Variants in RPH3A observed in about 807,000 individuals in gnomAD.
The protein encoded by RPH3A is rabphilin 3A.
RPH3A carries 48 observed loss-of-function variants against 102.2 expected under a neutral mutation model. That is an observed-to-expected ratio of 0.47 (90% CI 0.37 to 0.60). The LOEUF (loss-of-function observed/expected upper bound fraction) is 0.60, where lower values mean the gene tolerates loss of function less well. Ranked by LOEUF, RPH3A falls within the 20% of genes least tolerant of loss-of-function variation. The pLI is 0.00. For missense variants in RPH3A, 781 were observed against 910.1 expected, an observed-to-expected ratio of 0.86 and a Z score of 1.83; for synonymous variants, 310 against 324.3, an observed-to-expected ratio of 0.96 and a Z score of 0.47.
chr12:112,816,040 G>A (rs2041665868), intron 2 of RPH3A, among the ~76,000 whole-genome samples: 1 of 152,178 alleles, frequency 6.6e-6, no homozygotes, highest in Non-Finnish European at 1.5e-5. Flanking sequence ...GGGGAGGAAG[G>A]AAAAGTTTTG....
chr12:112,603,222 C>T (rs1233823640), intron 1 of RPH3A, among the ~76,000 whole-genome samples: 1 of 152,148 alleles, frequency 6.6e-6, no homozygotes, highest in African/African-American at 2.4e-5. Context: ...GACCTTCCTG[C>T]TTCAGCTGTT....
In RPH3A at chr12:112,876,814, A is replaced by G; in HGVS notation, c.1119A>G (p.Pro373=). Residue 373 remains proline, a synonymous_variant, in exon 13 of 22, where the codon CCA becomes CCG. Transcript: ENST00000389385. ...AGCCTGCTGCAGCCCGCCAGCCACC[A>G]CCCCCAGAGGAGGAGGAAGAGGAAG... The part of the protein sequence containing the change: ...APQPAAARQP[P]PPEEEEEEAN... The G allele has an allele frequency of 1.9e-6, 3 of 1,609,538 alleles. No homozygotes were observed. The highest frequency in any genetic ancestry group is 2.5e-6 in the Non-Finnish European group (3 of 1,177,796).
chr12:112,881,727 T>C, intron 14 of RPH3A, 45 bp from the exon 15 acceptor site: 3 of 1,438,802 alleles, frequency 2.1e-6, no homozygotes, highest in Non-Finnish European at 2.9e-6. Flanking sequence ...AGCTGAGCAC[T>C]GGGCCCTCCT....
chr12:112,869,945 C>T lies in RPH3A; in HGVS notation c.702C>T (p.Arg234=). 6.2e-7 allele frequency: 1 copy of T among 1,614,138 alleles called. No homozygotes were observed. The highest frequency in any genetic ancestry group is 8.5e-7 in the Non-Finnish European group (1 of 1,180,010). Residue 234 remains arginine (R), a synonymous_variant, in exon 10 of 22, where the codon CGC becomes CGT. Transcript: ENST00000389385. ...PGRGNYGPPV[R]RASEARMSSS... is the part of the protein sequence containing the mutation. ...GAGGAAACTATGGGCCTCCCGTGCG[C>T]AGGGCCTCCGAGGCACGAATGAGCT...
chr12:112,860,347 T>G (rs1490205493), intron 5 of RPH3A, among the ~76,000 whole-genome samples: 2 of 152,192 alleles, frequency 1.3e-5, no homozygotes, highest in Non-Finnish European at 2.9e-5. Flanking sequence ...GTCCCTGAGC[T>G]GAGACATCTG....
At position 112,794,183 on chromosome 12, in the gene RPH3A, G is replaced by A. The variant is rs867490271; in HGVS notation, c.-19+1920G>A. ...CTTCTGGAAAGAGCCTTGGACTTGG[G>A]TCAGGAGACCTGGGTTCCAGTCCCA... On this transcript the variant is annotated intron_variant, in intron 2 of 21. Transcript: ENST00000389385. 2.6e-5 allele frequency among the ~76,000 whole-genome samples: 4 copies of A among 152,328 alleles called. No homozygotes were observed. The Middle Eastern group carries it at 0.01, about 389-fold the overall frequency.
At chr12:112,812,476 T>G (rs2041595004) in intron 2 of RPH3A, among the ~76,000 whole-genome samples, 1 of 152,194 alleles carries the variant, frequency 6.6e-6, no homozygotes, top group Admixed American at 6.5e-5. Flanking sequence ...ACAGGACAGA[T>G]GAGAGTTGAG....
rs1387478034 is a variant in RPH3A at position 112,685,266 on chromosome 12, T to G, written c.-139-106877T>G. Among the ~76,000 whole-genome samples, 4 of 152,292 alleles carry G rather than the reference T, an allele frequency of 2.6e-5. No individual in the cohort carries two copies. In the East Asian group the frequency reaches 7.7e-4, roughly 29 times the overall value. ...CAAACCTCTTTTATAAGGGCACTAA[T>G]CATATTCATGAGACTCTGCCCTCAT... is the stretch of plus-strand genomic sequence containing the variant. On this transcript the variant is annotated intron_variant, in intron 1 of 21. Transcript: ENST00000543106.
chr12:112,657,581 T>C (rs577911021), intron 1 of RPH3A, among the ~76,000 whole-genome samples: 47 of 152,314 alleles, frequency 3.1e-4, no homozygotes, highest in East Asian at 7.7e-4. Flanking sequence ...ATGATGGTTA[T>C]GATGTCATTA....
At chr12:112,895,532 C>T (rs549009936) in intron 20 of RPH3A, 1 of 433,172 alleles carries the variant, frequency 2.3e-6, no homozygotes, top group Non-Finnish European at 4.2e-6. Context: ...ACCTCACCAG[C>T]CTTCCCAATT....
chr12:112,634,004 A>G (rs912724114), intron 1 of RPH3A, among the ~76,000 whole-genome samples: 1 of 152,204 alleles, frequency 6.6e-6, no homozygotes, highest in Admixed American at 6.5e-5. Flanking sequence ...TTCCCTAAGA[A>G]CATGATTCTC....
At chr12:112,605,234 G>A (rs1284871109) in intron 1 of RPH3A, among the ~76,000 whole-genome samples, 1 of 152,120 alleles carries the variant, frequency 6.6e-6, no homozygotes, top group Non-Finnish European at 1.5e-5. Context: ...CATTAGCCAG[G>A]CATGGTGGCA....
chr12:112,712,903 C>CTT lies in RPH3A; in HGVS notation c.-139-79240_-139-79239insTT, dbSNP rs1565856711. 5.4e-4 allele frequency among the ~76,000 whole-genome samples: 71 copies of CTT among 131,998 alleles called. 4 individuals carry two copies. The highest frequency in any genetic ancestry group is 1.8e-3 in the East Asian group (8 of 4,458). The allele number at this position is 131,998 out of a possible 152,430, so 86.6% of individuals were successfully genotyped here. ...TTTTCTTCTTCTTCTTCTTCTTCTT[C>CTT]CTCTTCTTCTTCTTCTTCTTCCTCT... On this transcript the variant is annotated intron_variant, in intron 1 of 21. Transcript: ENST00000543106.
chr12:112,731,767 T>C (rs1355531863), intron 1 of RPH3A, among the ~76,000 whole-genome samples: 1 of 152,196 alleles, frequency 6.6e-6, no homozygotes, highest in African/African-American at 2.4e-5. Context: ...AAAATGACAT[T>C]TAATTATGGA....
chr12:112,664,021 A>C (rs2136005003), intron 1 of RPH3A, among the ~76,000 whole-genome samples: 1 of 152,234 alleles, frequency 6.6e-6, no homozygotes, highest in Admixed American at 6.5e-5. Flanking sequence ...TGGGGAAAGA[A>C]GTGTGGGGGG....
intron 2 of RPH3A, among the ~76,000 whole-genome samples, chr12:112,801,327 C>T (rs2041348773): frequency 6.6e-6 from 1 of 152,266 alleles, no homozygotes; most frequent in Non-Finnish European, 1.5e-5. Flanking sequence ...GGAGACTCAT[C>T]ACACAGAGCA....
Position 112,825,126 on chromosome 12 carries a change from C to G in RPH3A, c.-18-3175C>G, listed in dbSNP as rs191083356. Among the ~76,000 whole-genome samples, 1,140 of 152,310 alleles carry G rather than the reference C, an allele frequency of 7.5e-3. 25 individuals carry two copies. The highest frequency in any genetic ancestry group is 4.3e-3 in the Non-Finnish European group (295 of 68,034). On this transcript the variant is annotated intron_variant, in intron 2 of 21. Coordinates refer to ENST00000389385, the MANE Select transcript of RPH3A (RefSeq NM_001143854.2). Reference sequence around the variant, plus strand: ...GGGGGCTCCAGGGAAGCCTGCTCAGCTCTCACCACAGGCAATAATGAGACA... The same window carrying G: ...GGGGGCTCCAGGGAAGCCTGCTCAGGTCTCACCACAGGCAATAATGAGACA...
chr12:112,606,658 A>G (rs1231377737), intron 1 of RPH3A, among the ~76,000 whole-genome samples: 2 of 152,172 alleles, frequency 1.3e-5, no homozygotes, highest in Non-Finnish European at 2.9e-5. Context: ...CTGCAGGCTG[A>G]ACAGGAAGCG....
At chr12:112,618,763 T>A (rs1409918627) in intron 1 of RPH3A, among the ~76,000 whole-genome samples, 2 of 152,222 alleles carry the variant, frequency 1.3e-5, no homozygotes, top group African/African-American at 2.4e-5. Flanking sequence ...ATTATTTTAG[T>A]ATGTTCACAG....
Sources: gnomAD v4.1 joint callset for allele counts (sites outside exome capture counted in the v4.1 genomes callset) on GRCh38, gnomAD v4.1.1 for gene constraint, MANE v1.5 for transcripts, NCBI Gene and HGNC (gene_info 2026-07-23, HGNC 2026-07-21) for gene names.